The following KLHL4 variants were observed in gnomAD, a reference collection of about 807,000 sequenced individuals.
KLHL4 encodes kelch-like protein 4.
KLHL4 carries 17 observed loss-of-function variants against 45.8 expected under a neutral mutation model. That is an observed-to-expected ratio of 0.37 (90% CI 0.25 to 0.56). KLHL4 has a LOEUF of 0.56. KLHL4 is among the 20% of genes least tolerant of loss of function. The probability of loss-of-function intolerance (pLI) is 0.79; values close to 1 mark genes in which losing one functional copy is unlikely to be tolerated. For synonymous variants in KLHL4, 224 were observed against 189.9 expected, an observed-to-expected ratio of 1.18 and a Z score of -1.47; for missense variants, 544 against 544.9, an observed-to-expected ratio of 1.00 and a Z score of 0.02.
intron 1 of KLHL4, among the ~76,000 whole-genome samples, chrX:87,564,529 G>A (rs1391228795): frequency 9.0e-6 from 1 of 111,223 alleles, no homozygotes; most frequent in Non-Finnish European, 1.9e-5. Context: ...AAGAGAGCTG[G>A]TGTAGTTATA....
chrX:87,531,656 A>G (rs1931284482), intron 1 of KLHL4, among the ~76,000 whole-genome samples: 1 of 106,213 alleles, frequency 9.4e-6, no homozygotes, highest in Non-Finnish European at 1.9e-5. Context: ...AAATCAATGT[A>G]CAAAAATCAC....
chrX:87,661,755 A>T (rs1044907395), intron 9 of KLHL4, among the ~76,000 whole-genome samples: 1 of 112,001 alleles, frequency 8.9e-6, no homozygotes, highest in Non-Finnish European at 1.9e-5. Context: ...AAATTTTTTT[A>T]AAAAGAGAAA....
chrX:87,534,706 G>A (rs1247942303), intron 1 of KLHL4, among the ~76,000 whole-genome samples: 2 of 111,396 alleles, frequency 1.8e-5, no homozygotes, highest in Non-Finnish European at 3.8e-5. Context: ...TTACAAAACA[G>A]CAACTTGGCA....
At chrX:87,637,284 A>G (rs934663905) in intron 9 of KLHL4, among the ~76,000 whole-genome samples, 11 of 111,773 alleles carry the variant, frequency 9.8e-5, no homozygotes, top group African/African-American at 1.3e-4. Flanking sequence ...GGGAAAGGGG[A>G]GAGCACCACA....
chrX:87,665,961 C>A (rs888547357), intron 10 of KLHL4, among the ~76,000 whole-genome samples: 2 of 111,487 alleles, frequency 1.8e-5, no homozygotes, highest in Non-Finnish European at 1.9e-5. Context: ...AAATATCATG[C>A]AAGGTGTTAG....
intron 1 of KLHL4, among the ~76,000 whole-genome samples, chrX:87,613,293 C>T (rs778252371): frequency 9.0e-6 from 1 of 111,643 alleles, no homozygotes; most frequent in Non-Finnish European, 1.9e-5. Context: ...ATACAGGTAG[C>T]TTGCTTTTAT....
intron 9 of KLHL4, among the ~76,000 whole-genome samples, chrX:87,656,859 A>C (rs1387421570): frequency 8.9e-6 from 1 of 111,996 alleles, no homozygotes; most frequent in African/African-American, 3.2e-5. Flanking sequence ...TATTTGGATG[A>C]GACATTTTTT....
chrX:87,614,628 T>G (rs879055676), intron 3 of KLHL4, 58 bp downstream of exon 3: 54 of 1,014,128 alleles, frequency 5.3e-5, no homozygotes, highest in East Asian at 4.1e-4. Flanking sequence ...CACATTATTA[T>G]TAGTAGTAGT....
At position 87,625,524 on chromosome X, in the gene KLHL4, C is replaced by T. The variant is rs189289791; in HGVS notation, c.1138-86C>T. 144 of 852,572 alleles carry T rather than the reference C, an allele frequency of 1.7e-4. 1 individual carries two copies. In the East Asian group the frequency reaches 4.6e-3, roughly 27 times the overall value. The allele number at this position is 852,572 out of a possible 1,213,427, so 70.3% of individuals were successfully genotyped here. On this transcript the variant is annotated intron_variant, in intron 5 of 10. Coordinates refer to ENST00000373119, the MANE Select transcript of KLHL4 (RefSeq NM_019117.5). The stretch of plus-strand genomic sequence containing the variant: ...GGAATTACAGGTGTACGCCACTGCG[C>T]CCAGCCTCTAAAGTTATATAAATAC...
chrX:87,644,497 T>G (rs1448995347), intron 9 of KLHL4, among the ~76,000 whole-genome samples: 1 of 110,736 alleles, frequency 9.0e-6, no homozygotes, highest in Non-Finnish European at 1.9e-5. Flanking sequence ...AGTCTACAAA[T>G]TCAACGCAGT....
intron 1 of KLHL4, among the ~76,000 whole-genome samples, chrX:87,520,057 C>G (rs1172229283): frequency 8.9e-6 from 1 of 112,197 alleles, no homozygotes; most frequent in South Asian, 3.7e-4. Context: ...GGAAAGCTAA[C>G]GTTTTCTTAA....
In KLHL4 at chrX:87,625,749, C is replaced by T. The variant is rs1415226219; in HGVS notation, c.1277C>T (p.Ser426Leu). ...AGCCCTCGGACAAAGCCTAGAAAAT[C>T]AACTGTGGGGGCACTTTATGCTGTA... ...MQSPRTKPRK[S>L]TVGALYAVGG... Residue 426 changes from serine (S) to leucine (L), a missense_variant, in exon 6 of 11, where the codon TCA becomes TTA. Ser to Leu is a moderately radical substitution (Grantham distance 145). Coordinates refer to ENST00000373119, the MANE Select transcript of KLHL4 (RefSeq NM_019117.5). 1 of 1,209,386 alleles carries T rather than the reference C, an allele frequency of 8.3e-7. No homozygotes were observed. The highest frequency in any genetic ancestry group is 1.8e-5 in the South Asian group (1 of 56,655).
At chrX:87,607,891 A>G (rs1264587374) in intron 1 of KLHL4, among the ~76,000 whole-genome samples, 1 of 111,597 alleles carries the variant, frequency 9.0e-6, no homozygotes, top group African/African-American at 3.3e-5. Flanking sequence ...ATTGTTGGCA[A>G]TGGCCCCACT....
chrX:87,533,504 T>G (rs1931352782), intron 1 of KLHL4, among the ~76,000 whole-genome samples: 1 of 94,235 alleles, frequency 1.1e-5, no homozygotes, highest in South Asian at 5.5e-4. Context: ...AATTGAACAA[T>G]GAGAACACAT....
chrX:87,548,529 C>T (rs1022694861), intron 1 of KLHL4, among the ~76,000 whole-genome samples: 3 of 110,856 alleles, frequency 2.7e-5, no homozygotes, highest in Admixed American at 9.7e-5. Flanking sequence ...GTAGAAAGAC[C>T]AAATGATTAA....
chrX:87,642,014 G>A (rs1041451682), intron 9 of KLHL4, among the ~76,000 whole-genome samples: 1 of 103,452 alleles, frequency 9.7e-6, no homozygotes, highest in Non-Finnish European at 2.0e-5. Context: ...CCCCACCCAC[G>A]GCCAGTCCCT....
At chrX:87,642,820 G>T (rs1281370804) in intron 9 of KLHL4, among the ~76,000 whole-genome samples, 4 of 112,071 alleles carry the variant, frequency 3.6e-5, no homozygotes, top group Non-Finnish European at 7.5e-5. Flanking sequence ...CAAAGACAAG[G>T]TTTTTTAATT....
chrX:87,539,718 G>A (rs932459838), intron 1 of KLHL4, among the ~76,000 whole-genome samples: 6 of 110,797 alleles, frequency 5.4e-5, no homozygotes, highest in Admixed American at 9.7e-5. Flanking sequence ...AATAATGCAC[G>A]AATAAAATAA....
Position 87,527,688 on chromosome X carries a change from C to T in KLHL4, c.422+9373C>T, listed in dbSNP as rs756062843. On this transcript the variant is annotated intron_variant, in intron 1 of 10. Coordinates refer to ENST00000373119, the MANE Select transcript of KLHL4 (RefSeq NM_019117.5). ...GCCTGGTGTTTCCTTCCCAGCAAAA[C>T]GGTGACACTGCCATCCCAGAGCTCC... Among the ~76,000 whole-genome samples the T allele has an allele frequency of 7.3e-5, 8 of 109,374 alleles. No homozygotes were observed. In the East Asian group the frequency reaches 1.4e-3, roughly 20 times the overall value. The allele number at this position is 109,374 out of a possible 115,157, so 95.0% of individuals were successfully genotyped here.
Sources: allele counts gnomAD v4.1 joint callset (sites outside exome capture counted in the v4.1 genomes callset), GRCh38; gene constraint gnomAD v4.1.1; transcripts MANE v1.5; gene names NCBI Gene and HGNC (gene_info 2026-07-23, HGNC 2026-07-21).